The following CACNA1A variants were observed in gnomAD, a reference collection of about 807,000 sequenced individuals.
CACNA1A encodes the protein voltage-dependent P/Q-type calcium channel subunit alpha-1A.
CACNA1A carries 57 observed loss-of-function variants against 262.4 expected under a neutral mutation model. The ratio of observed to expected loss-of-function variants is 0.22; its 90% CI spans 0.18 to 0.27. CACNA1A has a LOEUF of 0.27. CACNA1A is among the 10% of genes least tolerant of loss of function. The probability of loss-of-function intolerance (pLI) is 1.00; values close to 1 mark genes in which losing one functional copy is unlikely to be tolerated. For synonymous variants in CACNA1A, 1,431 were observed against 1,419.3 expected (o/e 1.01, Z -0.18); for missense variants, 2,526 against 3,562.8 (o/e 0.71, Z 7.41).
intron 3 of CACNA1A, among the ~76,000 whole-genome samples, chr19:13,404,847 GGAGT>G (rs1175093257): frequency 2.0e-5 from 3 of 152,254 alleles, no homozygotes; most frequent in South Asian, 2.1e-4. Flanking sequence ...TGCAGGGCAA[GGAGT>G]GAGAGACTGT....
At chr19:13,295,523 G>T (rs1274781998) in intron 19 of CACNA1A, among the ~76,000 whole-genome samples, 3 of 142,818 alleles carry the variant, frequency 2.1e-5, no homozygotes, top group African/African-American at 7.8e-5. Context: ...ACAAGGACTT[G>T]TTCTGTTGCC....
At chr19:13,300,121 A>C (rs1206910579) in intron 18 of CACNA1A, among the ~76,000 whole-genome samples, 1 of 152,118 alleles carries the variant, frequency 6.6e-6, no homozygotes, top group Non-Finnish European at 1.5e-5. Flanking sequence ...CAGCCCCGGG[A>C]CTGGGGACCC....
At chr19:13,224,813 C>A in intron 37 of CACNA1A, 41 bp from the exon 38 acceptor site, 2 of 1,460,504 alleles carry the variant, frequency 1.4e-6, no homozygotes, top group Admixed American at 1.9e-5. Flanking sequence ...TCCCAGGCAT[C>A]CCTCCTGGGT....
intron 1 of CACNA1A, among the ~76,000 whole-genome samples, chr19:13,457,736 C>T (rs2061039879): frequency 6.6e-6 from 1 of 151,874 alleles, no homozygotes; most frequent in Admixed American, 6.6e-5. Context: ...GCCTGTAATC[C>T]CAGCTACTCA....
chr19:13,348,192 G>A (rs148247306), intron 6 of CACNA1A, among the ~76,000 whole-genome samples: 1 of 152,056 alleles, frequency 6.6e-6, no homozygotes, highest in Non-Finnish European at 1.5e-5. Flanking sequence ...CAAAGGGCTG[G>A]GATTCCAGGC....
intron 31 of CACNA1A, among the ~76,000 whole-genome samples, chr19:13,240,539 G>A (rs889767964): frequency 1.3e-5 from 2 of 149,564 alleles, no homozygotes; most frequent in African/African-American, 4.9e-5. Context: ...TGTGTGCATA[G>A]TGGTGTGTGC....
intron 24 of CACNA1A, chr19:13,273,680 T>G (rs2057078662): frequency 6.6e-6 from 1 of 152,224 alleles, no homozygotes; most frequent in Admixed American, 6.5e-5. Flanking sequence ...TCATCACTAT[T>G]AAAATTATTC....
intron 31 of CACNA1A, among the ~76,000 whole-genome samples, chr19:13,242,131 CT>C (rs2056097944): frequency 6.6e-6 from 1 of 152,160 alleles, no homozygotes; most frequent in East Asian, 1.9e-4. Context: ...CACCCACCCC[CT>C]ATCTTTCCCT....
intron 1 of CACNA1A, among the ~76,000 whole-genome samples, chr19:13,469,176 A>G (rs1305733308): frequency 2.0e-5 from 3 of 152,196 alleles, no homozygotes; most frequent in Non-Finnish European, 2.9e-5. Flanking sequence ...TGGGAAGTCC[A>G]AAGTCAGAGG....
intron 3 of CACNA1A, among the ~76,000 whole-genome samples, chr19:13,443,125 A>T (rs1017937983): frequency 6.6e-6 from 1 of 152,016 alleles, no homozygotes; most frequent in African/African-American, 2.4e-5. Flanking sequence ...TGTGTGCATT[A>T]TAGCTCATGC....
At chr19:13,232,174 T>C (rs2055687784) in intron 34 of CACNA1A, among the ~76,000 whole-genome samples, 1 of 151,872 alleles carries the variant, frequency 6.6e-6, no homozygotes, top group Non-Finnish European at 1.5e-5. Context: ...TCTCTCTCTC[T>C]TTCTTTTCCT....
At chr19:13,402,873 C>CACACATATATATAT (rs1201892162) in intron 3 of CACNA1A, among the ~76,000 whole-genome samples, 1 of 72,824 alleles carries the variant, frequency 1.4e-5, no homozygotes, top group Admixed American at 1.6e-4. Flanking sequence ...CACACACACA[C>CACACATATATATAT]ATATATATAT....
In CACNA1A at chr19:13,393,799, C is replaced by T. The variant is rs1223495490; in HGVS notation, c.540-22020G>A. On this transcript the variant is annotated intron_variant, in intron 3 of 46. Coordinates refer to ENST00000360228, the MANE Select transcript of CACNA1A (RefSeq NM_001127222.2). ...CCTCCCTCCTTCCTTCCTTCCTTCC[C>T]TCCCTCCTTCCTCTCTCTCTCTCTC... is the stretch of plus-strand genomic sequence containing the variant. Among the ~76,000 whole-genome samples the T allele has an allele frequency of 5.6e-5, 6 of 107,278 alleles. No homozygotes were observed. The East Asian group carries it at 1.9e-3, about 34-fold the overall frequency. 70.4% of individuals were successfully genotyped at this position (107,278 alleles called of 152,430 possible).
At chr19:13,386,327 C>T (rs1457573568) in intron 3 of CACNA1A, among the ~76,000 whole-genome samples, 4 of 152,150 alleles carry the variant, frequency 2.6e-5, no homozygotes, top group Non-Finnish European at 4.4e-5. Context: ...ATGACCCATT[C>T]GTAGGCCTAA....
At chr19:13,317,695 G>C (rs1280497686) in intron 10 of CACNA1A, among the ~76,000 whole-genome samples, 2 of 152,216 alleles carry the variant, frequency 1.3e-5, no homozygotes, top group Non-Finnish European at 2.9e-5. Flanking sequence ...GAGCTGCATG[G>C]AGCACGCTTG....
intron 19 of CACNA1A, among the ~76,000 whole-genome samples, chr19:13,297,694 G>A (rs1353924015): frequency 6.6e-6 from 1 of 152,144 alleles, no homozygotes; most frequent in African/African-American, 2.4e-5. Context: ...GCACATGTCT[G>A]TGGTCCCAGC....
chr19:13,465,885 G>C (rs1182943537), intron 1 of CACNA1A, among the ~76,000 whole-genome samples: 1 of 152,118 alleles, frequency 6.6e-6, no homozygotes, highest in African/African-American at 2.4e-5. Flanking sequence ...TATCACACTT[G>C]GTTTATCTGT....
chr19:13,319,645 G>C (rs2058206229), intron 10 of CACNA1A, among the ~76,000 whole-genome samples: 2 of 152,308 alleles, frequency 1.3e-5, no homozygotes, highest in East Asian at 1.9e-4. Context: ...TACTGGGTTT[G>C]TGAAAGCTGA....
At chr19:13,325,125 TTCC>T (rs36159832) in intron 10 of CACNA1A, among the ~76,000 whole-genome samples, 12,662 of 135,966 alleles carry the variant, frequency 0.093, 555 homozygotes, top group South Asian at 0.18. Context: ...CCCCTTCCCA[TTCC>T]TCCTCCTCCT....
Sources: allele counts gnomAD v4.1 joint callset (sites outside exome capture counted in the v4.1 genomes callset), GRCh38; gene constraint gnomAD v4.1.1; transcripts MANE v1.5; gene names NCBI Gene and HGNC (gene_info 2026-07-23, HGNC 2026-07-21).